Variants in TMEM108 observed in about 807,000 individuals in gnomAD.
TMEM108 encodes the protein cancer/testis antigen 124.
A neutral mutation model predicts 35.1 loss-of-function variants in TMEM108; 12 were observed. That is an observed-to-expected ratio of 0.34 (90% confidence interval 0.22 to 0.55). TMEM108 has a LOEUF of 0.55. TMEM108 is among the 20% of genes least tolerant of loss of function. The pLI, the probability that TMEM108 is intolerant of heterozygous loss-of-function variation, is 0.89. For missense variants in TMEM108, 680 were observed against 753.3 expected, an observed-to-expected ratio of 0.90 and a Z score of 1.14; for synonymous variants, 287 against 308.6, an observed-to-expected ratio of 0.93 and a Z score of 0.73.
At chr3:133,303,141 T>G (rs1947254789) in intron 3 of TMEM108, 1 of 152,208 alleles carries the variant, frequency 6.6e-6, no homozygotes, top group Non-Finnish European at 1.5e-5. Flanking sequence ...GTATAACTCT[T>G]AACTGATTTT....
intron 3 of TMEM108, among the ~76,000 whole-genome samples, chr3:133,341,279 G>A (rs1360939086): frequency 1.3e-5 from 2 of 151,374 alleles, no homozygotes; most frequent in Admixed American, 1.3e-4. Flanking sequence ...AATCTGAAAA[G>A]GAAATCAAGA....
chr3:133,191,565 A>T (rs2107814736), intron 2 of TMEM108, among the ~76,000 whole-genome samples: 1 of 152,274 alleles, frequency 6.6e-6, no homozygotes, highest in East Asian at 1.9e-4. Context: ...TCACTCTGAG[A>T]CCCACGCAGA....
At chr3:133,065,620 A>C (rs80291868) in intron 2 of TMEM108, among the ~76,000 whole-genome samples, 4,207 of 152,234 alleles carry the variant, frequency 0.028, 104 homozygotes, top group South Asian at 0.061. Flanking sequence ...TCTCAACCTT[A>C]TTTCCAACAA....
intron 2 of TMEM108, among the ~76,000 whole-genome samples, chr3:133,200,659 A>T (rs540136662): frequency 5.9e-5 from 9 of 152,314 alleles, no homozygotes; most frequent in Non-Finnish European, 1.3e-4. Flanking sequence ...ATCTGCTCTT[A>T]TATCAATGAC....
At chr3:133,104,149 TCTTAA>T (rs10576819) in intron 2 of TMEM108, among the ~76,000 whole-genome samples, 32,655 of 151,990 alleles carry the variant, frequency 0.21, 4,239 homozygotes, top group Non-Finnish European at 0.3. Flanking sequence ...TGGGATATTT[TCTTAA>T]CTTCTCTTAG....
At chr3:133,066,503 C>T (rs939590172) in intron 2 of TMEM108, among the ~76,000 whole-genome samples, 4 of 151,868 alleles carry the variant, frequency 2.6e-5, no homozygotes, top group African/African-American at 7.3e-5. Context: ...CTTTTAGGGC[C>T]GATATTCATG....
chr3:133,289,589 C>T (rs1428236255), intron 3 of TMEM108, among the ~76,000 whole-genome samples: 1 of 152,176 alleles, frequency 6.6e-6, no homozygotes, highest in Non-Finnish European at 1.5e-5. Context: ...ATGTGAAAAT[C>T]AATGTGGAAC....
intron 3 of TMEM108, among the ~76,000 whole-genome samples, chr3:133,306,758 A>G (rs1160068372): frequency 6.6e-6 from 1 of 152,114 alleles, no homozygotes; most frequent in Non-Finnish European, 1.5e-5. Context: ...TTCTTAATCC[A>G]GTCTATCATT....
intron 3 of TMEM108, among the ~76,000 whole-genome samples, chr3:133,281,592 AG>A (rs1946913327): frequency 6.6e-6 from 1 of 152,218 alleles, no homozygotes; most frequent in Admixed American, 6.5e-5. Flanking sequence ...TGGTACTTTG[AG>A]GCAGAAGTAC....
chr3:133,324,870 A>G (rs916632538), intron 3 of TMEM108, among the ~76,000 whole-genome samples: 1 of 152,152 alleles, frequency 6.6e-6, no homozygotes, highest in African/African-American at 2.4e-5. Flanking sequence ...CAGCTATTCA[A>G]GAGTCTGAAG....
At chr3:133,371,565 T>G (rs1206063843) in intron 3 of TMEM108, among the ~76,000 whole-genome samples, 1 of 131,952 alleles carries the variant, frequency 7.6e-6, no homozygotes, top group Non-Finnish European at 1.5e-5. Context: ...CCTTTTATGA[T>G]CTGACCTTAG....
intron 2 of TMEM108, among the ~76,000 whole-genome samples, chr3:133,146,853 CT>C (rs1944728815): frequency 6.6e-6 from 1 of 152,070 alleles, no homozygotes; most frequent in South Asian, 2.1e-4. Flanking sequence ...ATTCTTCTCT[CT>C]TCTCTTCTTT....
At chr3:133,088,235 G>T (rs1415849511) in intron 2 of TMEM108, among the ~76,000 whole-genome samples, 1 of 152,082 alleles carries the variant, frequency 6.6e-6, no homozygotes, top group East Asian at 1.9e-4. Flanking sequence ...GACAGGCATT[G>T]TGGGCTACAG....
At chr3:133,276,297 C>A (rs1946837574) in intron 3 of TMEM108, among the ~76,000 whole-genome samples, 1 of 152,178 alleles carries the variant, frequency 6.6e-6, no homozygotes. Flanking sequence ...CTTGTGGGGC[C>A]AGCCAAGGGA....
chr3:133,158,242 G>T (rs1174779903), intron 2 of TMEM108, among the ~76,000 whole-genome samples: 4 of 151,970 alleles, frequency 2.6e-5, no homozygotes, highest in Admixed American at 6.6e-5. Context: ...GGCCAAGGTG[G>T]GCGGGTCACG....
intron 2 of TMEM108, among the ~76,000 whole-genome samples, chr3:133,206,160 G>T (rs546239787): frequency 2.0e-5 from 3 of 152,170 alleles, no homozygotes; most frequent in Non-Finnish European, 4.4e-5. Flanking sequence ...GGTCATTTAT[G>T]TTCTTCTCTA....
intron 2 of TMEM108, among the ~76,000 whole-genome samples, chr3:133,224,512 C>T (rs999864867): frequency 3.9e-5 from 6 of 152,136 alleles, no homozygotes; most frequent in African/African-American, 1.4e-4. Flanking sequence ...AAGGGGGACT[C>T]AGTGGAAGAT....
chr3:133,121,027 T>C (rs1944346272), intron 2 of TMEM108: 1 of 152,258 alleles, frequency 6.6e-6, no homozygotes, highest in African/African-American at 2.4e-5. Context: ...GATACATCCC[T>C]TCCCATTTGC....
At chr3:133,100,930 T>C (rs1252439757) in intron 2 of TMEM108, among the ~76,000 whole-genome samples, 1 of 152,252 alleles carries the variant, frequency 6.6e-6, no homozygotes, top group African/African-American at 2.4e-5. Flanking sequence ...TATTTATTTC[T>C]AGTTGTGTGT....
Sources: gnomAD v4.1 joint callset for allele counts (sites outside exome capture counted in the v4.1 genomes callset) on GRCh38, gnomAD v4.1.1 for gene constraint, MANE v1.5 for transcripts, NCBI Gene and HGNC (gene_info 2026-07-23, HGNC 2026-07-21) for gene names.